Variants in C1orf87 observed in about 807,000 individuals in gnomAD.
The protein encoded by C1orf87 is uncharacterized protein C1orf87.
C1orf87 carries 58 observed loss-of-function variants against 60.5 expected under a neutral mutation model. The ratio of observed to expected loss-of-function variants is 0.96; its 90% confidence interval spans 0.78 to 1.19. The LOEUF is 1.19. Among genes scored for constraint, C1orf87 ranks in the 50% most tolerant of loss-of-function variants. The pLI, the probability that C1orf87 is intolerant of heterozygous loss-of-function variation, is 0.00. For missense variants in C1orf87, 673 were observed against 638.6 expected (o/e 1.05, Z -0.58); for synonymous variants, 236 against 227.4 (o/e 1.04, Z -0.34).
intron 11 of C1orf87, among the ~76,000 whole-genome samples, chr1:59,994,777 C>T (rs956770432): frequency 5.3e-5 from 8 of 152,156 alleles, no homozygotes; most frequent in Non-Finnish European, 1.0e-4. Context: ...TGTCCTCATC[C>T]TGGATGGAGA....
chr1:60,028,114 T>TGG (rs1345980325), intron 7 of C1orf87, among the ~76,000 whole-genome samples: 1 of 151,986 alleles, frequency 6.6e-6, no homozygotes, highest in African/African-American at 2.4e-5. Flanking sequence ...TGTGTATGAG[T>TGG]GGAGGTTGGC....
intron 6 of C1orf87, among the ~76,000 whole-genome samples, chr1:60,037,711 A>C (rs563338528): frequency 6.6e-6 from 1 of 152,256 alleles, no homozygotes; most frequent in South Asian, 2.1e-4. Flanking sequence ...ACACATTCAA[A>C]CCATACCAAT....
chr1:60,049,913 A>G, intron 3 of C1orf87, among the ~76,000 whole-genome samples: 1 of 152,034 alleles, frequency 6.6e-6, no homozygotes, highest in East Asian at 1.9e-4. Context: ...CAAAATAACA[A>G]TATGCCAGTG....
At chr1:60,026,711 A>T (rs549933539) in intron 7 of C1orf87, among the ~76,000 whole-genome samples, 9 of 152,332 alleles carry the variant, frequency 5.9e-5, no homozygotes, top group African/African-American at 2.2e-4. Flanking sequence ...TAAGTAAATA[A>T]TAGCAACTAC....
chr1:60,003,390 G>A (rs1032411409), intron 9 of C1orf87, among the ~76,000 whole-genome samples: 1 of 152,038 alleles, frequency 6.6e-6, no homozygotes, highest in African/African-American at 2.4e-5. Context: ...GTTAGTGGGT[G>A]CAGCGCACCA....
At chr1:60,042,133 C>A (rs1359125995) in intron 3 of C1orf87, among the ~76,000 whole-genome samples, 1 of 152,168 alleles carries the variant, frequency 6.6e-6, no homozygotes, top group Non-Finnish European at 1.5e-5. Flanking sequence ...GCAATTAACT[C>A]TTTTTTCAAA....
chr1:60,031,277 A>G (rs1354872888), intron 7 of C1orf87, among the ~76,000 whole-genome samples: 1 of 152,200 alleles, frequency 6.6e-6, no homozygotes, highest in East Asian at 1.9e-4. Flanking sequence ...GGGAAACAGA[A>G]TTCTATTTCA....
chr1:60,037,269 A>G (rs1247219807), intron 6 of C1orf87, among the ~76,000 whole-genome samples: 1 of 152,226 alleles, frequency 6.6e-6, no homozygotes, highest in African/African-American at 2.4e-5. Context: ...ACGTGATAAC[A>G]TCAGAAGGCT....
chr1:60,052,758 A>G (rs376764647), intron 3 of C1orf87, among the ~76,000 whole-genome samples: 2 of 152,306 alleles, frequency 1.3e-5, no homozygotes, highest in South Asian at 2.1e-4. Context: ...AGTGATAAGG[A>G]TCTAGAAAGA....
At position 59,990,816 on chromosome 1, in the gene C1orf87, G is replaced by A. The variant is rs753805446; in HGVS notation, c.1498C>T (p.Arg500Ter). The A allele has an allele frequency of 1.5e-5, 25 of 1,613,978 alleles. No individual in the cohort carries two copies. Among genetic ancestry groups the A allele is most frequent in the Middle Eastern group, 3.3e-4 (2 of 6,044 alleles). ...TAGTTGTGAATGAGGCGTCTGGCTCGTTCCTTCTCCAGAACTCCTGTGATT... is the reference window on the plus strand; with the variant it reads ...TAGTTGTGAATGAGGCGTCTGGCTCATTCCTTCTCCAGAACTCCTGTGATT... ...LSNTGVLEKE[R>*]ARRLIHNYNL... Residue 500 changes from arginine (R) to a stop codon, truncating the protein, a stop_gained, in exon 12 of 12, where the codon CGA becomes TGA. Coordinates refer to ENST00000371201, the MANE Select transcript of C1orf87 (RefSeq NM_152377.3). LOFTEE classifies it high-confidence loss of function.
At chr1:60,042,609 T>G (rs946894808) in intron 3 of C1orf87, among the ~76,000 whole-genome samples, 1 of 152,240 alleles carries the variant, frequency 6.6e-6, no homozygotes. Flanking sequence ...GCTCATACTC[T>G]GTACAAGGCA....
chr1:60,032,040 A>C (rs562093354), intron 7 of C1orf87, among the ~76,000 whole-genome samples: 1 of 152,268 alleles, frequency 6.6e-6, no homozygotes, highest in Non-Finnish European at 1.5e-5. Context: ...GCCTTTGCAC[A>C]GTTGATTTTA....
At chr1:60,029,938 C>T (rs934409310) in intron 7 of C1orf87, among the ~76,000 whole-genome samples, 1 of 151,956 alleles carries the variant, frequency 6.6e-6, no homozygotes, top group Non-Finnish European at 1.5e-5. Flanking sequence ...CATGCCCGGT[C>T]CCCCTGTCCC....
chr1:60,025,557 A>C (rs972156264), intron 7 of C1orf87, 59 bp from the exon 8 acceptor site: 2 of 1,249,452 alleles, frequency 1.6e-6, no homozygotes, highest in Non-Finnish European at 2.2e-6. Flanking sequence ...AAAATGTTTC[A>C]ATAGAATACA....
chr1:59,994,066 C>T (rs1196219667), intron 11 of C1orf87, among the ~76,000 whole-genome samples: 1 of 152,150 alleles, frequency 6.6e-6, no homozygotes, highest in Non-Finnish European at 1.5e-5. Context: ...ACCATAAGAA[C>T]ATTTTCAACA....
Position 60,040,142 on chromosome 1 carries a change from G to T in C1orf87, c.522C>A (p.Asp174Glu), listed in dbSNP as rs539185288. The change falls in exon 5 of 12, where the codon GAC becomes GAA. Residue 174 changes from aspartate (D) to glutamate (E), a missense_variant. Asp to Glu is a conservative substitution (Grantham distance 45). Coordinates refer to ENST00000371201, the MANE Select transcript of C1orf87 (RefSeq NM_152377.3). ...GQSPSGTTNE[D>E]AFLLALVRRE... ...TTCTGACCAGGGCAAGAAGAAAAGC[G>T]TCTTCATTTGTTGTCCCACTTGGGC... is the stretch of plus-strand genomic sequence containing the variant. 14 of 1,613,834 alleles carry T rather than the reference G, an allele frequency of 8.7e-6. No homozygotes were observed. The highest frequency in any genetic ancestry group is 1.2e-5 in the Non-Finnish European group (14 of 1,179,958).
At chr1:60,062,082 T>A (rs377548493) in intron 2 of C1orf87, among the ~76,000 whole-genome samples, 1 of 152,286 alleles carries the variant, frequency 6.6e-6, no homozygotes, top group South Asian at 2.1e-4. Context: ...TCACTGCTTT[T>A]CTCAAGATGG....
chr1:60,033,939 A>G (rs1239639173), intron 6 of C1orf87, among the ~76,000 whole-genome samples: 1 of 152,152 alleles, frequency 6.6e-6, no homozygotes, highest in Non-Finnish European at 1.5e-5. Context: ...TTTTTTTTCT[A>G]GGTTGAGACA....
chr1:60,073,332 T>C (rs1220701333), intron 1 of C1orf87, among the ~76,000 whole-genome samples: 1 of 152,154 alleles, frequency 6.6e-6, no homozygotes, highest in African/African-American at 2.4e-5. Context: ...AGCTGAACAC[T>C]CCCTTTTAGA....
Sources: allele counts gnomAD v4.1 joint callset (sites outside exome capture counted in the v4.1 genomes callset), GRCh38; gene constraint gnomAD v4.1.1; transcripts MANE v1.5; gene names NCBI Gene and HGNC (gene_info 2026-07-23, HGNC 2026-07-21).